The following COPZ1 variants were observed in gnomAD, a reference collection of about 807,000 sequenced individuals.
The protein encoded by COPZ1 is coat protein complex I subunit zeta 1.
COPZ1 carries 4 observed loss-of-function variants against 31.7 expected under a neutral mutation model. The observed-to-expected ratio is 0.13, with a 90% CI of 0.06 to 0.29. The LOEUF is 0.29. Ranked by LOEUF, COPZ1 falls within the 10% of genes least tolerant of loss-of-function variation. The probability of loss-of-function intolerance (pLI) is 1.00; values close to 1 mark genes in which losing one functional copy is unlikely to be tolerated. For missense variants in COPZ1, 156 were observed against 211.5 expected, an observed-to-expected ratio of 0.74 and a Z score of 1.63; for synonymous variants, 74 against 79.0, an observed-to-expected ratio of 0.94 and a Z score of 0.33.
At chr12:54,338,432 C>G (rs565465482) in intron 1 of COPZ1, among the ~76,000 whole-genome samples, 1 of 151,432 alleles carries the variant, frequency 6.6e-6, no homozygotes, top group South Asian at 2.1e-4. Flanking sequence ...GACTTCCCTC[C>G]ACTAGGCAAC....
At chr12:54,350,254 C>A in intron 8 of COPZ1, 1 of 712,110 alleles carries the variant, frequency 1.4e-6, no homozygotes, top group Admixed American at 2.0e-5. Flanking sequence ...AGGTATACCT[C>A]TTCTCTCTTC....
chr12:54,343,841 G>A (rs1461143494), intron 4 of COPZ1, among the ~76,000 whole-genome samples: 2 of 152,226 alleles, frequency 1.3e-5, no homozygotes, highest in African/African-American at 2.4e-5. Context: ...TGAGGCAAAA[G>A]TGAAAGTTTG....
chr12:54,333,449 A>T (rs1212366363), intron 1 of COPZ1, among the ~76,000 whole-genome samples: 1 of 152,200 alleles, frequency 6.6e-6, no homozygotes, highest in Non-Finnish European at 1.5e-5. Context: ...AAAAGGCATT[A>T]ACCTTAACTG....
intron 3 of COPZ1, 31 bp from the exon 4 acceptor site, chr12:54,343,194 C>T: frequency 1.3e-6 from 2 of 1,548,986 alleles, no homozygotes; most frequent in South Asian, 1.1e-5. Flanking sequence ...TCTCAAGCCA[C>T]CCACTATTTT....
At chr12:54,348,942 T>G (rs759106374) in intron 7 of COPZ1, among the ~76,000 whole-genome samples, 6 of 152,102 alleles carry the variant, frequency 3.9e-5, no homozygotes, top group Admixed American at 1.3e-4. Flanking sequence ...CAACAAATTA[T>G]ACGGGTGCAA....
At chr12:54,329,149 T>C (rs951147430) in intron 1 of COPZ1, among the ~76,000 whole-genome samples, 5 of 152,326 alleles carry the variant, frequency 3.3e-5, no homozygotes, top group African/African-American at 1.2e-4. Flanking sequence ...ATCTTTGGAC[T>C]TGGCTTCTTC....
chr12:54,346,006 C>T (rs1393183892), intron 5 of COPZ1, among the ~76,000 whole-genome samples: 1 of 151,158 alleles, frequency 6.6e-6, no homozygotes, highest in Non-Finnish European at 1.5e-5. Flanking sequence ...ATTCATGCTA[C>T]TGGGGAGGAC....
chr12:54,328,960 C>T lies in COPZ1; in HGVS notation c.18+3779C>T, dbSNP rs1424042077. Among the ~76,000 whole-genome samples the T allele has an allele frequency of 3.9e-5, 6 of 152,142 alleles. No individual in the cohort carries two copies. The East Asian group carries it at 1.2e-3, about 29-fold the overall frequency. ...GAATTTCTAAATAACAGTAAGTTCC[C>T]TTCTTTTAGGTACTTTACAGTGGGT... On this transcript the variant is annotated intron_variant, in intron 1 of 8. Coordinates refer to ENST00000262061, the MANE Select transcript of COPZ1 (RefSeq NM_016057.3).
chr12:54,334,135 T>C (rs1953810828), intron 1 of COPZ1, among the ~76,000 whole-genome samples: 1 of 152,058 alleles, frequency 6.6e-6, no homozygotes, highest in South Asian at 2.1e-4. Flanking sequence ...GGCTCATGCC[T>C]GTAATCCTAG....
chr12:54,330,126 A>AT (rs1453233499), intron 1 of COPZ1, among the ~76,000 whole-genome samples: 1 of 151,904 alleles, frequency 6.6e-6, no homozygotes, highest in Non-Finnish European at 1.5e-5. Flanking sequence ...CGCTGTGGAG[A>AT]TATATTTCTC....
intron 7 of COPZ1, 104 bp from the exon 8 acceptor site, chr12:54,349,516 T>C: frequency 1.1e-6 from 1 of 919,970 alleles, no homozygotes; most frequent in Non-Finnish European, 1.8e-6. Context: ...ATCTGCCCTT[T>C]GTTTCAGTTT....
At chr12:54,340,646 C>A in intron 2 of COPZ1, 31 bp downstream of exon 2, 1 of 1,606,782 alleles carries the variant, frequency 6.2e-7, no homozygotes, top group Non-Finnish European at 8.5e-7. Context: ...AGTTTAGGAA[C>A]AGCACAAAGG....
intron 3 of COPZ1, among the ~76,000 whole-genome samples, chr12:54,342,920 G>T (rs1953999630): frequency 6.9e-6 from 1 of 145,776 alleles, no homozygotes; most frequent in Admixed American, 7.0e-5. Context: ...ACAGTGGCGA[G>T]ATCTCGGCTC....
chr12:54,330,948 C>T (rs1159480644), intron 1 of COPZ1, among the ~76,000 whole-genome samples: 7 of 152,152 alleles, frequency 4.6e-5, no homozygotes, highest in African/African-American at 1.7e-4. Flanking sequence ...CTTGTGCTGG[C>T]AAGGGCCCTC....
intron 7 of COPZ1, among the ~76,000 whole-genome samples, chr12:54,348,713 G>A (rs1954102631): frequency 6.6e-6 from 1 of 151,980 alleles, no homozygotes; most frequent in South Asian, 2.1e-4. Context: ...CTCCAGCCTG[G>A]GCGACAGAGT....
At chr12:54,326,961 CTTTTTTTT>C (rs60827109) in intron 1 of COPZ1, among the ~76,000 whole-genome samples, 42 of 43,518 alleles carry the variant, frequency 9.7e-4, no homozygotes, top group African/African-American at 3.2e-3. Context: ...AACAAGTATT[CTTTTTTTT>C]TTTTTTTTTT....
intron 7 of COPZ1, 54 bp from the exon 8 acceptor site, chr12:54,349,566 C>A: frequency 7.1e-7 from 1 of 1,416,410 alleles, no homozygotes; most frequent in South Asian, 1.1e-5. Context: ...AGACTCCAAT[C>A]AGGTCTTACT....
Position 54,350,736 on chromosome 12 carries a change from A to G in COPZ1, c.*213A>G, listed in dbSNP as rs1294418693. The G allele has an allele frequency of 1.5e-5, 9 of 592,406 alleles. No homozygotes were observed. In the East Asian group the frequency reaches 2.5e-4, roughly 17 times the overall value. 36.7% of individuals were successfully genotyped at this position (592,406 alleles called of 1,614,324 possible). On this transcript the variant is annotated 3_prime_UTR_variant, in exon 9 of 9. Transcript: ENST00000262061. ...TTGCAGTTCTGGGAGTAAAGCTCCC[A>G]GCATATTTAGATAATAGGGCAGGGG... is the stretch of plus-strand genomic sequence containing the variant.
chr12:54,327,679 G>A (rs377192896), intron 1 of COPZ1, among the ~76,000 whole-genome samples: 9 of 150,854 alleles, frequency 6.0e-5, no homozygotes, highest in African/African-American at 1.9e-4. Flanking sequence ...CAGGAGGATC[G>A]CTTGAGCCTG....
Sources: allele counts gnomAD v4.1 joint callset (sites outside exome capture counted in the v4.1 genomes callset), GRCh38; gene constraint gnomAD v4.1.1; transcripts MANE v1.5; gene names NCBI Gene and HGNC (gene_info 2026-07-23, HGNC 2026-07-21).